GCN1: variants seen among roughly 807,000 people sequenced by gnomAD.
GCN1 encodes stalled ribosome sensor GCN1.
A neutral mutation model predicts 288.4 loss-of-function variants in GCN1; 90 were observed. That is an observed-to-expected ratio of 0.31 (90% CI 0.26 to 0.37). The LOEUF (loss-of-function observed/expected upper bound fraction) is 0.37, where lower values mean the gene tolerates loss of function less well. Among genes scored for constraint, GCN1 ranks in the 10% least tolerant of loss-of-function variants. GCN1 has a pLI of 1.00. For missense variants in GCN1, 2,586 were observed against 3,419.9 expected (o/e 0.76, Z 6.08); for synonymous variants, 1,386 against 1,420.2 (o/e 0.98, Z 0.54).
At chr12:120,167,881 C>G (rs929059874) in intron 16 of GCN1, among the ~76,000 whole-genome samples, 2 of 151,860 alleles carry the variant, frequency 1.3e-5, no homozygotes, top group African/African-American at 4.8e-5. Flanking sequence ...GTAGAGCCTG[C>G]CAGACTCCAC....
At position 120,184,122 on chromosome 12, in the gene GCN1, C is replaced by T. The variant is rs2139141019; in HGVS notation, c.307G>A (p.Gly103Ser). ...ACTTTTACCTCTTACCTGGGAACAC[C>T]TGCTTTGGAGCCTATACCAGAAGAC... ...LQSSGIGSKA[G>S]VPSKSSGSAA... is the part of the protein sequence containing the mutation. The change falls in exon 4 of 58, where the codon GGT becomes AGT. Residue 103 changes from glycine to serine, a missense_variant. Physicochemically the swap from Gly to Ser is moderately conservative, Grantham distance 56 (BLOSUM62 0). Coordinates refer to ENST00000300648, the MANE Select transcript of GCN1 (RefSeq NM_006836.2). 6.2e-7 allele frequency: 1 copy of T among 1,612,534 alleles called. No individual in the cohort carries two copies. Among genetic ancestry groups the T allele is most frequent in the Non-Finnish European group, 8.5e-7 (1 of 1,178,942 alleles).
intron 57 of GCN1, among the ~76,000 whole-genome samples, chr12:120,128,256 T>C (rs1306233209): frequency 6.6e-6 from 1 of 151,390 alleles, no homozygotes; most frequent in Non-Finnish European, 1.5e-5. Context: ...TCCCAAAGTA[T>C]TGGGATTACA....
intron 14 of GCN1, among the ~76,000 whole-genome samples, chr12:120,173,254 G>A (rs1166309155): frequency 1.3e-5 from 2 of 151,792 alleles, no homozygotes; most frequent in Non-Finnish European, 2.9e-5. Flanking sequence ...ACAGGGTTTC[G>A]CCATGTTGGT....
Position 120,144,208 on chromosome 12 carries a change from T to G in GCN1, c.5495+98A>C. On this transcript the variant is annotated intron_variant, in intron 42 of 57. Transcript: ENST00000300648. This position sits in a 1 kb window ranked among gnomAD's most constrained non-coding sequence, Gnocchi z 4.7. ...CAGGGCTCATCGTAAACTCCTGGGT[T>G]TAAGCAATCCTCCTGCCTCGGCTTT... The G allele has an allele frequency of 1.5e-6, 2 of 1,378,278 alleles. No homozygotes were observed. The highest frequency in any genetic ancestry group is 2.1e-6 in the Non-Finnish European group (2 of 972,414). The allele number at this position is 1,378,278 out of a possible 1,614,324, so 85.4% of individuals were successfully genotyped here. A position where few individuals can be genotyped will look rare whatever the true frequency, so the allele number is the denominator to read the frequency against.
intron 12 of GCN1, 121 bp downstream of exon 12, chr12:120,175,041 C>T (rs1015934052): frequency 7.9e-5 from 59 of 750,754 alleles, no homozygotes; most frequent in Non-Finnish European, 1.1e-4. Context: ...GCATGAGGAT[C>T]GCTTGAACCT....
chr12:120,173,367 A>G (rs1878370725), intron 14 of GCN1, among the ~76,000 whole-genome samples: 1 of 152,140 alleles, frequency 6.6e-6, no homozygotes, highest in Non-Finnish European at 1.5e-5. Flanking sequence ...GTCTTATCTG[A>G]GTCATTTCTC....
intron 24 of GCN1, among the ~76,000 whole-genome samples, chr12:120,159,519 C>T (rs1877860667): frequency 6.6e-6 from 1 of 152,212 alleles, no homozygotes; most frequent in African/African-American, 2.4e-5. Context: ...GCCACCAAAC[C>T]ATCCTCACTG....
intron 16 of GCN1, among the ~76,000 whole-genome samples, chr12:120,165,084 G>A (rs1301603240): frequency 2.0e-5 from 3 of 146,422 alleles, no homozygotes; most frequent in East Asian, 4.0e-4. Context: ...ACGCTCTGTC[G>A]CCCAGGCTGG....
At chr12:120,178,982 T>C (rs1191267413) in intron 5 of GCN1, 32 bp from the exon 6 acceptor site, 13 of 1,571,544 alleles carry the variant, frequency 8.3e-6, no homozygotes, top group Non-Finnish European at 1.1e-5. Context: ...CAGGTCAAGG[T>C]GGGACATGAG....
At chr12:120,149,158 G>A (rs1191498688) in intron 36 of GCN1, among the ~76,000 whole-genome samples, 1 of 152,078 alleles carries the variant, frequency 6.6e-6, no homozygotes, top group African/African-American at 2.4e-5. Flanking sequence ...CCTGACTTAG[G>A]GTTGTGGCTC....
At chr12:120,179,614 T>A (rs1461481501) in intron 5 of GCN1, among the ~76,000 whole-genome samples, 1 of 152,002 alleles carries the variant, frequency 6.6e-6, no homozygotes, top group African/African-American at 2.4e-5. Flanking sequence ...TTAGCCAGGA[T>A]GGTCTCGATC....
chr12:120,137,921 C>G lies in GCN1; in HGVS notation c.6373G>C (p.Gly2125Arg). ...AVMLALKEKL[G>R]TPDEQLEMAN... Reference sequence around the variant, plus strand: ...CTTACCAGCTGCTCATCTGGGGTCCCAAGCTTTTCCTTCAGGGCCAGCATG... The same window carrying G: ...CTTACCAGCTGCTCATCTGGGGTCCGAAGCTTTTCCTTCAGGGCCAGCATG... The change falls in exon 48 of 58, where the codon GGG becomes CGG. Residue 2125 changes from glycine to arginine, a missense_variant. By Grantham distance (125) the Gly-to-Arg change is moderately radical. Transcript: ENST00000300648. This position sits in a 1 kb window ranked among gnomAD's most constrained non-coding sequence, Gnocchi z 5.2. 1 of 1,614,182 alleles carries G rather than the reference C, an allele frequency of 6.2e-7. No homozygotes were observed. The highest frequency in any genetic ancestry group is 8.5e-7 in the Non-Finnish European group (1 of 1,180,026).
chr12:120,174,092 T>C lies in GCN1; in HGVS notation c.1171A>G (p.Ile391Val), dbSNP rs748225428. 1 of 1,599,318 alleles carries C rather than the reference T, an allele frequency of 6.3e-7. No individual in the cohort carries two copies. The highest frequency in any genetic ancestry group is 2.2e-5 in the East Asian group (1 of 44,816). ...VLNGIVAELF[I>V]PFLQQEVHEG... Reference sequence around the variant, plus strand: ...TTACCTTCCTGCTGAAGGAACGGGATGAACAGCTCAGCCACGATCCCATTC... The same window carrying C: ...TTACCTTCCTGCTGAAGGAACGGGACGAACAGCTCAGCCACGATCCCATTC... Residue 391 changes from isoleucine (I) to valine (V), a missense_variant, in exon 13 of 58, where the codon ATC becomes GTC. By Grantham distance (29) the Ile-to-Val change is conservative. Around this residue, in one of 8 missense-constraint regions of GCN1, gnomAD observed 913 missense variants for 1,107.0 expected, o/e 0.82. Transcript: ENST00000300648.
chr12:120,166,410 A>AG (rs1327293255), intron 16 of GCN1, among the ~76,000 whole-genome samples: 1 of 147,072 alleles, frequency 6.8e-6, no homozygotes, highest in African/African-American at 2.5e-5. Context: ...TCAAAAAAAA[A>AG]AAAAAAAAAA....
chr12:120,157,723 G>C, intron 26 of GCN1, 126 bp downstream of exon 26: 1 of 753,534 alleles, frequency 1.3e-6, no homozygotes. Context: ...GTGTGAGGCT[G>C]CTGTTGGTAT....
Position 120,137,480 on chromosome 12 carries a change from A to C in GCN1, c.6663+65T>G. On this transcript the variant is annotated intron_variant, in intron 49 of 57. Transcript: ENST00000300648. This position sits in a 1 kb window ranked among gnomAD's most constrained non-coding sequence, Gnocchi z 5.2. ...GTACGTGGGGGATTCTTATAAGTCTATTCCTGTAAATGTCTGGAATTTTCT... is the reference window on the plus strand; with the variant it reads ...GTACGTGGGGGATTCTTATAAGTCTCTTCCTGTAAATGTCTGGAATTTTCT... The C allele has an allele frequency of 1.3e-6, 2 of 1,554,690 alleles. No homozygotes were observed. The highest frequency in any genetic ancestry group is 1.8e-6 in the Non-Finnish European group (2 of 1,130,674).
chr12:120,152,419 T>C (rs1457168480), intron 33 of GCN1, among the ~76,000 whole-genome samples: 1 of 129,548 alleles, frequency 7.7e-6, no homozygotes, highest in Non-Finnish European at 1.6e-5. Flanking sequence ...ACAAAATATA[T>C]ATATATAAAT....
rs541759135 is a variant in GCN1, at chr12:120,150,892, A to G, written c.4309+253T>C. ...GCTGAGCTTGCAGTGAGCCAAGATC[A>G]CGCCACTGCACTCTAGCCTGGGCGA... On this transcript the variant is annotated intron_variant, in intron 34 of 57. Coordinates refer to ENST00000300648, the MANE Select transcript of GCN1 (RefSeq NM_006836.2). Among the ~76,000 whole-genome samples, 5 of 152,006 alleles carry G rather than the reference A, an allele frequency of 3.3e-5. No individual in the cohort carries two copies. In the East Asian group the frequency reaches 7.7e-4, roughly 24 times the overall value.
intron 26 of GCN1, 28 bp downstream of exon 26, chr12:120,157,821 A>T (rs763913522): frequency 7.5e-6 from 12 of 1,599,270 alleles, no homozygotes; most frequent in Non-Finnish European, 1.0e-5. Context: ...CCTTTAAACC[A>T]AGAGGAGAGC....
Sources: allele counts gnomAD v4.1 joint callset (sites outside exome capture counted in the v4.1 genomes callset), GRCh38; gene constraint gnomAD v4.1.1; regional missense constraint gnomAD v4.1.1; non-coding constraint Gnocchi (gnomAD v3.1); transcripts MANE v1.5; gene names NCBI Gene and HGNC (gene_info 2026-07-23, HGNC 2026-07-21).